ATP2C2: variants seen among roughly 807,000 people sequenced by gnomAD.
ATP2C2 encodes the protein ATPase secretory pathway Ca2+ transporting 2, also known as calcium-transporting ATPase type 2C member 2.
Under a neutral mutation model 110.8 loss-of-function variants are expected in ATP2C2, and 171 were observed. The ratio of observed to expected loss-of-function variants is 1.54; its 90% CI spans 1.36 to 1.75. ATP2C2 has a LOEUF of 1.75. Ranked by LOEUF, ATP2C2 falls within the 40% of genes most tolerant of loss-of-function variation. ATP2C2 has a pLI of 0.00. For missense variants in ATP2C2, 1,963 were observed against 1,235.0 expected, an observed-to-expected ratio of 1.59 and a Z score of -8.84; for synonymous variants, 804 against 508.4, an observed-to-expected ratio of 1.58 and a Z score of -7.82.
intron 1 of ATP2C2, among the ~76,000 whole-genome samples, chr16:84,375,103 A>T (rs557417889): frequency 2.0e-5 from 3 of 152,342 alleles, no homozygotes; most frequent in African/African-American, 7.2e-5. Context: ...TCAAAATATT[A>T]AAAAATGGCC....
intron 3 of ATP2C2, 69 bp from the exon 4 acceptor site, chr16:84,408,336 G>A: frequency 6.8e-7 from 1 of 1,461,416 alleles, no homozygotes; most frequent in Non-Finnish European, 9.6e-7. Flanking sequence ...ACAAACTTCT[G>A]CACAGTAAGA....
At chr16:84,417,603 A>T (rs1906953840) in intron 7 of ATP2C2, among the ~76,000 whole-genome samples, 1 of 152,224 alleles carries the variant, frequency 6.6e-6, no homozygotes, top group African/African-American at 2.4e-5. Flanking sequence ...ATGTTAAATT[A>T]AACTGTGGCT....
chr16:84,404,162 A>C (rs930530014), intron 2 of ATP2C2, among the ~76,000 whole-genome samples: 7 of 152,310 alleles, frequency 4.6e-5, no homozygotes, highest in African/African-American at 1.7e-4. Context: ...AAACTCACTG[A>C]ATCCTATCTT....
At chr16:84,418,311 G>A (rs890514907) in intron 7 of ATP2C2, among the ~76,000 whole-genome samples, 1 of 151,840 alleles carries the variant, frequency 6.6e-6, no homozygotes, top group African/African-American at 2.4e-5. Context: ...CTCTATTTTC[G>A]CCCCTCACCC....
intron 1 of ATP2C2, among the ~76,000 whole-genome samples, chr16:84,369,563 C>G (rs1909832184): frequency 6.6e-6 from 1 of 151,498 alleles, no homozygotes; most frequent in African/African-American, 2.4e-5. Flanking sequence ...CTGAACGAGT[C>G]CCCTGGGTTG....
chr16:84,451,896 C>T, intron 17 of ATP2C2, 25 bp from the exon 18 acceptor site: 2 of 1,598,814 alleles, frequency 1.3e-6, no homozygotes, highest in South Asian at 2.2e-5. Context: ...CCGGTGACCC[C>T]TCCTTACTCC....
chr16:84,450,904 A>T (rs1357020772), intron 17 of ATP2C2, among the ~76,000 whole-genome samples: 1 of 152,114 alleles, frequency 6.6e-6, no homozygotes, highest in Non-Finnish European at 1.5e-5. Context: ...AAGAACTGTT[A>T]GAAACGTCCC....
chr16:84,439,675 T>C (rs767748567), intron 13 of ATP2C2, 151 bp downstream of exon 13: 52 of 745,110 alleles, frequency 7.0e-5, no homozygotes, highest in South Asian at 6.0e-4. Flanking sequence ...ACTGATTTTG[T>C]TTTTAATCAT....
At chr16:84,369,272 A>C (rs1684071503) in intron 1 of ATP2C2, among the ~76,000 whole-genome samples, 1 of 152,176 alleles carries the variant, frequency 6.6e-6, no homozygotes, top group African/African-American at 2.4e-5. Context: ...CTCTGGGATA[A>C]AGCAGCAGGG....
intron 2 of ATP2C2, chr16:84,404,821 T>TA (rs1186445144): frequency 8.7e-6 from 3 of 342,940 alleles, no homozygotes; most frequent in African/African-American, 6.4e-5. Context: ...TTTTTTTTTT[T>TA]TTTTTTTTAA....
intron 1 of ATP2C2, among the ~76,000 whole-genome samples, chr16:84,377,208 G>T (rs1910299840): frequency 6.6e-6 from 1 of 152,150 alleles, no homozygotes; most frequent in East Asian, 1.9e-4. Flanking sequence ...GAAGTTGTGT[G>T]CTAAGTCCTA....
rs748799362 is a variant in ATP2C2 at position 84,460,525 on chromosome 16, G to A, written c.2334-129G>A. ...GAGGAGGGCAGGTGCGATGCCTGGGGGCGTTCAGCAAATGCCTGGCCCTGC... is the reference window on the plus strand; with the variant it reads ...GAGGAGGGCAGGTGCGATGCCTGGGAGCGTTCAGCAAATGCCTGGCCCTGC... On this transcript the variant is annotated intron_variant, in intron 23 of 26. Coordinates refer to ENST00000262429, the MANE Select transcript of ATP2C2 (RefSeq NM_014861.4). 876 of 1,309,984 alleles carry A rather than the reference G, an allele frequency of 6.7e-4. 4 individuals are homozygous for A. Among genetic ancestry groups the A allele is most frequent in the Non-Finnish European group, 2.7e-4 (247 of 913,846 alleles). 81.1% of individuals were successfully genotyped at this position (1,309,984 alleles called of 1,614,324 possible). A position where few individuals can be genotyped will look rare whatever the true frequency, so the allele number is the denominator to read the frequency against.
At chr16:84,373,572 T>C (rs1040403205) in intron 1 of ATP2C2, among the ~76,000 whole-genome samples, 2 of 152,190 alleles carry the variant, frequency 1.3e-5, no homozygotes, top group African/African-American at 4.8e-5. Context: ...TGAGGTCTCA[T>C]AACTTCTGCC....
chr16:84,418,429 T>C (rs2150536965), intron 7 of ATP2C2, among the ~76,000 whole-genome samples: 2 of 152,310 alleles, frequency 1.3e-5, no homozygotes, highest in South Asian at 4.1e-4. Flanking sequence ...TCCTTCTTGG[T>C]CCGGAGGTGC....
At position 84,453,366 on chromosome 16, in the gene ATP2C2, A is replaced by C; in HGVS notation, c.1975A>C (p.Ile659Leu). Residue 659 changes from isoleucine (I) to leucine (L), a missense_variant, in exon 20 of 27, where the codon ATC (isoleucine) becomes CTC (leucine). By Grantham distance (5) the Ile-to-Leu change is conservative. Transcript: ENST00000262429. ...RTSPKHKLKI[I>L]KALQESGAIV... ...CAGCCCAAAGCACAAGCTCAAAATCATCAAGGTTCGCTGGGCAAGGCAGGC... is the reference window on the plus strand; with the variant it reads ...CAGCCCAAAGCACAAGCTCAAAATCCTCAAGGTTCGCTGGGCAAGGCAGGC... 1.2e-6 allele frequency: 2 copies of C among 1,614,120 alleles called. No individual in the cohort carries two copies. The highest frequency in any genetic ancestry group is 2.2e-5 in the South Asian group (2 of 91,076).
chr16:84,460,618 G>T lies in ATP2C2; in HGVS notation c.2334-36G>T, dbSNP rs748214383. 71 of 1,613,882 alleles carry T rather than the reference G, an allele frequency of 4.4e-5. 1 individual carries two copies. Among genetic ancestry groups the T allele is most frequent in the Non-Finnish European group, 5.8e-5 (69 of 1,179,910 alleles). On this transcript the variant is annotated intron_variant, in intron 23 of 26. Coordinates refer to ENST00000262429, the MANE Select transcript of ATP2C2 (RefSeq NM_014861.4). ...TCAAGGGTCCTTTATTTCATTCCTG[G>T]TTCATTTCAAAGTGTCTGTGTCTTG...
chr16:84,459,614 C>A (rs948886268), intron 23 of ATP2C2: 8 of 1,527,426 alleles, frequency 5.2e-6, no homozygotes, highest in Non-Finnish European at 7.0e-6. Context: ...ACTTTCTGCT[C>A]CCTCTGCCTG....
chr16:84,427,669 A>T (rs954428049), intron 11 of ATP2C2, among the ~76,000 whole-genome samples: 1 of 152,160 alleles, frequency 6.6e-6, no homozygotes, highest in African/African-American at 2.4e-5. Context: ...GTGAGCCGAG[A>T]TTGCGCCACT....
intron 2 of ATP2C2, among the ~76,000 whole-genome samples, chr16:84,402,967 A>G (rs1905435816): frequency 6.6e-6 from 1 of 152,076 alleles, no homozygotes; most frequent in Non-Finnish European, 1.5e-5. Flanking sequence ...ATTACTTGTT[A>G]TTGGTCTATT....
Sources: gnomAD v4.1 joint callset for allele counts (sites outside exome capture counted in the v4.1 genomes callset) on GRCh38, gnomAD v4.1.1 for gene constraint, MANE v1.5 for transcripts, NCBI Gene and HGNC (gene_info 2026-07-23, HGNC 2026-07-21) for gene names.